Variants in GPNMB observed in about 807,000 individuals in gnomAD.
GPNMB encodes the protein glycoprotein nmb, also known as transmembrane glycoprotein NMB.
Under a neutral mutation model 57.3 loss-of-function variants are expected in GPNMB, and 71 were observed. The ratio of observed to expected loss-of-function variants is 1.24; its 90% CI spans 1.02 to 1.51. The LOEUF is 1.51. Ranked by LOEUF, GPNMB falls within the 40% of genes most tolerant of loss-of-function variation. The pLI, the probability that GPNMB is intolerant of heterozygous loss-of-function variation, is 0.00. For synonymous variants in GPNMB, 253 were observed against 263.2 expected (o/e 0.96, Z 0.38); for missense variants, 677 against 691.9 (o/e 0.98, Z 0.24).
At chr7:23,261,320 T>C (rs747088288) in intron 6 of GPNMB, among the ~76,000 whole-genome samples, 1 of 152,186 alleles carries the variant, frequency 6.6e-6, no homozygotes, top group Non-Finnish European at 1.5e-5. Context: ...GACATTAAAA[T>C]TGTGCTGCAT....
chr7:23,257,382 G>A, intron 4 of GPNMB: 1 of 518,704 alleles, frequency 1.9e-6, no homozygotes, highest in African/African-American at 1.9e-5. Flanking sequence ...TATTTGAATG[G>A]CACATGGAGA....
intron 6 of GPNMB, among the ~76,000 whole-genome samples, chr7:23,264,385 T>TA (rs550221194): frequency 2.9e-4 from 44 of 152,274 alleles, no homozygotes; most frequent in African/African-American, 1.1e-3. Context: ...TTTTTATTTT[T>TA]TTTTTGAGAT....
intron 6 of GPNMB, chr7:23,266,316 A>G (rs1287062171): frequency 1.8e-6 from 1 of 560,378 alleles, no homozygotes; most frequent in African/African-American, 1.9e-5. Flanking sequence ...TACATAATTT[A>G]GCAATTATAA....
chr7:23,253,984 T>G (rs1479184396), intron 2 of GPNMB, among the ~76,000 whole-genome samples, 185 bp from the exon 3 acceptor site: 1 of 152,208 alleles, frequency 6.6e-6, no homozygotes, highest in Non-Finnish European at 1.5e-5. Context: ...TCTGATTTAT[T>G]TTTTAATTTA....
intron 9 of GPNMB, among the ~76,000 whole-genome samples, chr7:23,270,394 A>G (rs1385016956): frequency 6.6e-6 from 1 of 152,206 alleles, no homozygotes; most frequent in African/African-American, 2.4e-5. Flanking sequence ...TGGCCAAAGA[A>G]AAGCCTTTTG....
At chr7:23,259,489 G>A (rs1401302019) in intron 4 of GPNMB, among the ~76,000 whole-genome samples, 2 of 152,092 alleles carry the variant, frequency 1.3e-5, no homozygotes, top group Admixed American at 1.3e-4. Flanking sequence ...GCCACTTGCT[G>A]TATTTTTATA....
At chr7:23,250,410 C>T (rs1004567636) in intron 1 of GPNMB, among the ~76,000 whole-genome samples, 5 of 152,044 alleles carry the variant, frequency 3.3e-5, no homozygotes, top group African/African-American at 1.2e-4. Context: ...GGCTATCTTC[C>T]CTCCATTGGC....
intron 6 of GPNMB, chr7:23,266,230 T>C (rs1783057373): frequency 2.7e-6 from 1 of 367,264 alleles, no homozygotes; most frequent in Non-Finnish European, 5.0e-6. Context: ...ATTACAGGCA[T>C]GAGCCACTGC....
At chr7:23,256,843 G>T (rs1460466592) in intron 3 of GPNMB, 49 bp from the exon 4 acceptor site, 1 of 1,537,436 alleles carries the variant, frequency 6.5e-7, no homozygotes, top group South Asian at 1.1e-5. Flanking sequence ...TGCACATTGG[G>T]TTTTCTGAGC....
Position 23,254,277 on chromosome 7 carries a change from A to G in GPNMB, c.332A>G (p.Asn111Ser). 6.2e-7 allele frequency: 1 copy of G among 1,613,386 alleles called. No homozygotes were observed. Among genetic ancestry groups the G allele is most frequent in the East Asian group, 2.2e-5 (1 of 44,872 alleles). The change falls in exon 3 of 11, where the codon AAT (asparagine) becomes AGT (serine). Residue 111 changes from asparagine to serine, a missense_variant. Physicochemically the swap from Asn to Ser is conservative, Grantham distance 46. Transcript: ENST00000258733. ...CCTAGATGCCAAAAGGAAGATGCCA[A>G]TGGCAACATAGTCTATGAGAAGAAC... ...IFPRCQKEDANGNIVYEKNCR... is the reference protein window; with the variant it reads ...IFPRCQKEDASGNIVYEKNCR...
intron 9 of GPNMB, among the ~76,000 whole-genome samples, chr7:23,271,193 T>G (rs1032133631): frequency 6.6e-6 from 1 of 152,210 alleles, no homozygotes; most frequent in African/African-American, 2.4e-5. Flanking sequence ...CCTATGAGAA[T>G]GTAATGTTGC....
chr7:23,264,574 A>C (rs1477535103), intron 6 of GPNMB, among the ~76,000 whole-genome samples: 1 of 151,926 alleles, frequency 6.6e-6, no homozygotes, highest in African/African-American at 2.4e-5. Context: ...ACTAGGTTCC[A>C]CCATGTTGCC....
chr7:23,250,043 G>A (rs1233970619), intron 1 of GPNMB, among the ~76,000 whole-genome samples: 1 of 152,110 alleles, frequency 6.6e-6, no homozygotes, highest in Non-Finnish European at 1.5e-5. Flanking sequence ...ATATCTTCTT[G>A]TGTGTTTATT....
At chr7:23,268,972 G>A (rs1319492672) in intron 8 of GPNMB, among the ~76,000 whole-genome samples, 1 of 152,172 alleles carries the variant, frequency 6.6e-6, no homozygotes. Flanking sequence ...GGACAGATGA[G>A]TCAAACCTCT....
chr7:23,270,216 A>C, intron 9 of GPNMB, 41 bp downstream of exon 9: 1 of 1,360,866 alleles, frequency 7.3e-7, no homozygotes, highest in Non-Finnish European at 1.1e-6. Context: ...TTCATACTGC[A>C]AGTAAAGTGT....
intron 4 of GPNMB, 26 bp downstream of exon 4, chr7:23,257,091 T>G (rs766943234): frequency 3.1e-6 from 5 of 1,589,100 alleles, no homozygotes; most frequent in South Asian, 2.2e-5. Context: ...CCCCTAAGCT[T>G]CTTCTTTACC....
chr7:23,271,471 G>A (rs189911156), intron 9 of GPNMB, among the ~76,000 whole-genome samples: 19 of 152,268 alleles, frequency 1.2e-4, no homozygotes, highest in African/African-American at 4.3e-4. Context: ...TGTATTTCCA[G>A]CTACAAAAAC....
Position 23,254,315 on chromosome 7 carries a change from A to T in GPNMB, c.367+3A>T. The T allele has an allele frequency of 6.2e-7, 1 of 1,611,914 alleles. No homozygotes were observed. The highest frequency in any genetic ancestry group is 1.1e-5 in the South Asian group (1 of 90,964). ...CTATGAGAAGAACTGCAGAAATGGT[A>T]AGAACACAGTATTCTCCTAAACTAC... On this transcript the variant is annotated splice_donor_region_variant and intron_variant, in intron 3 of 10. Transcript: ENST00000258733.
chr7:23,268,220 T>C (rs1783117446), intron 8 of GPNMB, among the ~76,000 whole-genome samples: 1 of 152,236 alleles, frequency 6.6e-6, no homozygotes, highest in South Asian at 2.1e-4. Context: ...AGTTGAATAA[T>C]AATTATGATA....
Sources: allele counts gnomAD v4.1 joint callset (sites outside exome capture counted in the v4.1 genomes callset), GRCh38; gene constraint gnomAD v4.1.1; transcripts MANE v1.5; gene names NCBI Gene and HGNC (gene_info 2026-07-23, HGNC 2026-07-21).